The following ASCC3 variants were observed in gnomAD, a reference collection of about 807,000 sequenced individuals.
ASCC3 encodes the protein ASC-1 complex subunit P200.
Under a neutral mutation model 256.3 loss-of-function variants are expected in ASCC3, and 158 were observed. The ratio of observed to expected loss-of-function variants is 0.62; its 90% CI spans 0.54 to 0.70. ASCC3 has a LOEUF of 0.70. Among genes scored for constraint, ASCC3 ranks in the 30% least tolerant of loss-of-function variants. The pLI, the probability that ASCC3 is intolerant of heterozygous loss-of-function variation, is 0.00. For missense variants in ASCC3, 2,259 were observed against 2,626.0 expected (o/e 0.86, Z 3.05); for synonymous variants, 948 against 883.4 (o/e 1.07, Z -1.30).
chr6:100,641,282 AC>A, intron 24 of ASCC3, among the ~76,000 whole-genome samples: 1 of 152,188 alleles, frequency 6.6e-6, no homozygotes, highest in East Asian at 1.9e-4. Flanking sequence ...ATTACCACGT[AC>A]CCCTTTATAA....
intron 8 of ASCC3, among the ~76,000 whole-genome samples, chr6:100,784,742 A>G (rs1158913687): frequency 1.3e-5 from 2 of 152,058 alleles, no homozygotes; most frequent in African/African-American, 2.4e-5. Context: ...ATAAATGTAG[A>G]TGTTACATTT....
chr6:100,537,242 G>A (rs1775205198), intron 37 of ASCC3, among the ~76,000 whole-genome samples: 1 of 152,092 alleles, frequency 6.6e-6, no homozygotes, highest in Non-Finnish European at 1.5e-5. Context: ...GATACACTAA[G>A]AGGACAAACC....
At chr6:100,629,350 G>A (rs1019849893) in intron 26 of ASCC3, among the ~76,000 whole-genome samples, 169 bp from the exon 27 acceptor site, 6 of 151,948 alleles carry the variant, frequency 3.9e-5, no homozygotes, top group African/African-American at 1.5e-4. Flanking sequence ...CATTTCTTAA[G>A]AACTCTAAGA....
At chr6:100,825,424 T>A (rs959570080) in intron 4 of ASCC3, among the ~76,000 whole-genome samples, 1 of 152,180 alleles carries the variant, frequency 6.6e-6, no homozygotes, top group Non-Finnish European at 1.5e-5. Context: ...TGATTCTTCA[T>A]CTAAGTTCCT....
At chr6:100,571,114 T>A (rs72939370) in intron 36 of ASCC3, among the ~76,000 whole-genome samples, 1 of 152,294 alleles carries the variant, frequency 6.6e-6, no homozygotes, top group Non-Finnish European at 1.5e-5. Flanking sequence ...TGGCCCTAGA[T>A]GATGTCACCT....
rs1385434770 is a variant in ASCC3 at position 100,665,434 on chromosome 6, C to A, written c.2287-2898G>T. ...TGCCTTAGCTCACAACAAAAATGAA[C>A]TGGAATCTGGCCGGGCACAGTGGGT... is the stretch of plus-strand genomic sequence containing the variant. On this transcript the variant is annotated intron_variant, in intron 14 of 41. Coordinates refer to ENST00000369162, the MANE Select transcript of ASCC3 (RefSeq NM_006828.4). Among the ~76,000 whole-genome samples the A allele has an allele frequency of 2.0e-5, 3 of 151,864 alleles. No individual in the cohort carries two copies. In the East Asian group the frequency reaches 5.8e-4, roughly 29 times the overall value.
chr6:100,693,153 T>C (rs1044176343), intron 13 of ASCC3, among the ~76,000 whole-genome samples: 2 of 152,152 alleles, frequency 1.3e-5, no homozygotes, highest in Admixed American at 6.6e-5. Context: ...CATTTGATTA[T>C]AAGTTTTTGA....
intron 22 of ASCC3, among the ~76,000 whole-genome samples, chr6:100,645,534 A>G (rs1775337594): frequency 1.3e-5 from 2 of 152,108 alleles, no homozygotes; most frequent in African/African-American, 4.8e-5. Flanking sequence ...ATACTTATTT[A>G]ATTAGAACTT....
chr6:100,743,015 C>T (rs1216380491), intron 10 of ASCC3, among the ~76,000 whole-genome samples: 2 of 152,200 alleles, frequency 1.3e-5, no homozygotes, highest in Non-Finnish European at 2.9e-5. Flanking sequence ...TCTGTGTGTG[C>T]CTGAGTGGCT....
chr6:100,853,529 A>G (rs1342959102), intron 3 of ASCC3, among the ~76,000 whole-genome samples: 1 of 151,498 alleles, frequency 6.6e-6, no homozygotes, highest in East Asian at 1.9e-4. Flanking sequence ...CAGTGGCACA[A>G]TCTGGGCTCC....
At chr6:100,872,092 G>T (rs1019619590) in intron 1 of ASCC3, among the ~76,000 whole-genome samples, 3 of 152,130 alleles carry the variant, frequency 2.0e-5, no homozygotes, top group African/African-American at 7.2e-5. Context: ...CTCTGCCTCA[G>T]AACCTAGAAC....
intron 29 of ASCC3, among the ~76,000 whole-genome samples, chr6:100,627,273 C>T (rs191532029): frequency 7.6e-4 from 116 of 152,080 alleles, no homozygotes; most frequent in Admixed American, 2.7e-3. Flanking sequence ...TGTTTTTGAC[C>T]TGTAGCTTCC....
At chr6:100,824,953 C>T (rs1472840855) in intron 4 of ASCC3, among the ~76,000 whole-genome samples, 1 of 151,832 alleles carries the variant, frequency 6.6e-6, no homozygotes, top group South Asian at 2.1e-4. Context: ...CAATAAAGGC[C>T]AGGAAAAAAT....
intron 37 of ASCC3, chr6:100,531,103 GA>G: frequency 8.7e-7 from 1 of 1,151,978 alleles, no homozygotes; most frequent in Non-Finnish European, 1.3e-6. Context: ...AAATACAACA[GA>G]AAATTGCACA....
intron 36 of ASCC3, among the ~76,000 whole-genome samples, chr6:100,546,553 C>G (rs2114675773): frequency 6.6e-6 from 1 of 152,040 alleles, no homozygotes; most frequent in South Asian, 2.1e-4. Flanking sequence ...GCATGTAGGA[C>G]AACTCAGAAA....
At chr6:100,710,960 T>G (rs1450926453) in intron 13 of ASCC3, among the ~76,000 whole-genome samples, 5 of 152,176 alleles carry the variant, frequency 3.3e-5, no homozygotes, top group African/African-American at 4.8e-5. Context: ...CTGGCAGTAA[T>G]AGCATTATTA....
intron 4 of ASCC3, among the ~76,000 whole-genome samples, chr6:100,821,224 C>T (rs1485984637): frequency 4.6e-5 from 7 of 152,092 alleles, no homozygotes; most frequent in African/African-American, 1.7e-4. Context: ...CTAGGTTGCC[C>T]AGTTGAGTCT....
At chr6:100,511,607 C>T (rs1773767717) in intron 40 of ASCC3, among the ~76,000 whole-genome samples, 1 of 151,994 alleles carries the variant, frequency 6.6e-6, no homozygotes, top group Non-Finnish European at 1.5e-5. Flanking sequence ...TGGCACATGC[C>T]TGTAAAACCC....
chr6:100,804,265 GC>G (rs1434202695), intron 5 of ASCC3, among the ~76,000 whole-genome samples: 1 of 152,100 alleles, frequency 6.6e-6, no homozygotes, highest in African/African-American at 2.4e-5. Context: ...TCTAGGAAGA[GC>G]AAAATGTTAA....
Sources: gnomAD v4.1 joint callset for allele counts (sites outside exome capture counted in the v4.1 genomes callset) on GRCh38, gnomAD v4.1.1 for gene constraint, MANE v1.5 for transcripts, NCBI Gene and HGNC (gene_info 2026-07-23, HGNC 2026-07-21) for gene names.